Variants in GNAO1 observed in about 807,000 individuals in gnomAD.
GNAO1 encodes the protein guanine nucleotide-binding protein G(o) subunit alpha.
For missense variants in GNAO1, 166 were observed against 478.7 expected (o/e 0.35, Z 6.10); for synonymous variants, 164 against 180.7 (o/e 0.91, Z 0.74).
intron 6 of GNAO1, chr16:56,344,031 G>A: frequency 1.3e-6 from 2 of 1,571,896 alleles, no homozygotes; most frequent in African/African-American, 1.3e-5. Flanking sequence ...ACCACTCTCA[G>A]ACCACTCTTT....
chr16:56,229,940 A>G (rs2036572560), intron 2 of GNAO1, among the ~76,000 whole-genome samples: 1 of 152,136 alleles, frequency 6.6e-6, no homozygotes, highest in African/African-American at 2.4e-5. Context: ...AGGAGAGTCG[A>G]AGGGCATCGC....
At chr16:56,255,956 T>A (rs1262607602) in intron 2 of GNAO1, among the ~76,000 whole-genome samples, 2 of 152,232 alleles carry the variant, frequency 1.3e-5, no homozygotes, top group Non-Finnish European at 2.9e-5. Context: ...ATCTTTTAAG[T>A]CTGCCCTGAG....
At chr16:56,227,803 G>A (rs2036546403) in intron 2 of GNAO1, among the ~76,000 whole-genome samples, 1 of 148,214 alleles carries the variant, frequency 6.7e-6, no homozygotes, top group Non-Finnish European at 1.5e-5. Flanking sequence ...TATTATTGTT[G>A]TTATTTTGCT....
At chr16:56,235,206 T>C (rs1267733827) in intron 2 of GNAO1, 4 of 409,644 alleles carry the variant, frequency 9.8e-6, no homozygotes, top group African/African-American at 8.3e-5. Context: ...TCTTCTAGCA[T>C]TTGACTCCCT....
rs1383733336 is a variant in GNAO1, at chr16:56,272,876, T to G, written c.162-3055T>G. Among the ~76,000 whole-genome samples the G allele has an allele frequency of 3.9e-5, 6 of 152,222 alleles. No individual in the cohort carries two copies. In the South Asian group the frequency reaches 8.3e-4, roughly 21 times the overall value. ...AGTGGTAGGGTCTGCTGGTCCCAAA[T>G]GAAGCATGAGAAACTCAATGCACTG... On this transcript the variant is annotated intron_variant, in intron 2 of 8. Coordinates refer to ENST00000262493, the MANE Select transcript of GNAO1 (RefSeq NM_020988.3).
chr16:56,314,673 G>A (rs2037491131), intron 3 of GNAO1, among the ~76,000 whole-genome samples: 1 of 152,204 alleles, frequency 6.6e-6, no homozygotes, highest in Non-Finnish European at 1.5e-5. Context: ...CCTGGCTTCT[G>A]GCTAAGGAGA....
chr16:56,355,065 G>C lies in GNAO1; in HGVS notation c.*12G>C, dbSNP rs754743560. ...GCGGCTTGTACTGACCTCTTGTCCT[G>C]TATAGCAACCTATTTGGTAATGATT... On this transcript the variant is annotated 3_prime_UTR_variant, in exon 8 of 9. Coordinates refer to ENST00000262493, the MANE Select transcript of GNAO1 (RefSeq NM_020988.3). 6.3e-7 allele frequency: 1 copy of C among 1,584,910 alleles called. No homozygotes were observed.
chr16:56,229,613 A>G (rs202020070), intron 2 of GNAO1, among the ~76,000 whole-genome samples: 12 of 108,172 alleles, frequency 1.1e-4, no homozygotes, highest in African/African-American at 2.2e-4. Flanking sequence ...GGGTGGGTGG[A>G]TGGATGGATG....
rs764392674 is a variant in GNAO1, at chr16:56,271,655, A to G, written c.162-4276A>G. 3.9e-5 allele frequency among the ~76,000 whole-genome samples: 6 copies of G among 152,016 alleles called. No homozygotes were observed. The East Asian group carries it at 9.7e-4, about 24-fold the overall frequency. On this transcript the variant is annotated intron_variant, in intron 2 of 8. Coordinates refer to ENST00000262493, the MANE Select transcript of GNAO1 (RefSeq NM_020988.3). ...TTTTCAGTAGAGACGGGGTTTCACC[A>G]TGTTAGCCAGGCTGGTCTCAAACTC...
In GNAO1 at chr16:56,351,824, C is replaced by G; in HGVS notation, c.877+287C>G. ...GGGCAGGACAGGATCACAGGCTTCC[C>G]CCTTCCTCCTGGTCACCCTCTAGAA... On this transcript the variant is annotated intron_variant, in intron 7 of 8. Transcript: ENST00000262493. This position sits in a 1 kb window ranked among gnomAD's most constrained non-coding sequence, Gnocchi z 6.1. 2.7e-6 allele frequency: 1 copy of G among 373,824 alleles called. No individual in the cohort carries two copies. The highest frequency in any genetic ancestry group is 4.9e-6 in the Non-Finnish European group (1 of 203,264). The allele number at this position is 373,824 out of a possible 1,614,324, so 23.2% of individuals were successfully genotyped here.
At chr16:56,225,428 T>G (rs2036525316) in intron 2 of GNAO1, among the ~76,000 whole-genome samples, 1 of 152,208 alleles carries the variant, frequency 6.6e-6, no homozygotes. Flanking sequence ...TGCCCAGTTT[T>G]ACAGAAGAGA....
intron 6 of GNAO1, chr16:56,345,846 G>A: frequency 2.0e-6 from 2 of 985,550 alleles, no homozygotes; most frequent in Non-Finnish European, 2.4e-6. Context: ...CCCAGGCTCA[G>A]AAGCAGCCGG....
rs145872570 is a variant in GNAO1 at position 56,192,624 on chromosome 16, C to T, written c.161+8C>T. The T allele has an allele frequency of 1.2e-3, 1,882 of 1,550,386 alleles. 25 individuals carry two copies. In the African/African-American group the frequency reaches 0.023, roughly 19 times the overall value. ...CATTGTGAAGCAGATGAAGTAAGTC[C>T]CTGTGGCATTGGGATTCGTACTTTT... On this transcript the variant is annotated splice_region_variant and intron_variant, in intron 2 of 8. Transcript: ENST00000262493.
chr16:56,234,503 C>T (rs1030852291), intron 2 of GNAO1, among the ~76,000 whole-genome samples: 5 of 152,262 alleles, frequency 3.3e-5, no homozygotes, highest in Non-Finnish European at 7.3e-5. Context: ...CCTGCAGTTC[C>T]TCAGCCTTGC....
intron 3 of GNAO1, chr16:56,307,304 G>A (rs1424905472): frequency 1.3e-5 from 2 of 152,210 alleles, no homozygotes; most frequent in African/African-American, 2.4e-5. Context: ...GGAGGGCAGC[G>A]GCTGGGCCTC....
chr16:56,233,163 T>C (rs973045732), intron 2 of GNAO1, among the ~76,000 whole-genome samples: 33 of 152,184 alleles, frequency 2.2e-4, no homozygotes, highest in African/African-American at 7.7e-4. Flanking sequence ...GTTTTGAGGA[T>C]TATATGAGAT....
At chr16:56,347,464 T>C in intron 6 of GNAO1, 8 of 984,046 alleles carry the variant, frequency 8.1e-6, no homozygotes, top group Non-Finnish European at 9.6e-6. Flanking sequence ...GCAAGAAGAG[T>C]CCTGACCCCT....
intron 2 of GNAO1, among the ~76,000 whole-genome samples, chr16:56,232,804 C>G (rs1178300504): frequency 6.6e-6 from 1 of 152,168 alleles, no homozygotes; most frequent in Non-Finnish European, 1.5e-5. Flanking sequence ...AAGCGCCCTC[C>G]AACTAACTTT....
chr16:56,292,347 A>G (rs2037240847), intron 3 of GNAO1, among the ~76,000 whole-genome samples: 1 of 152,198 alleles, frequency 6.6e-6, no homozygotes, highest in Admixed American at 6.5e-5. Flanking sequence ...TGTGGATAAA[A>G]TGGAGTCAGA....
Sources: allele counts gnomAD v4.1 joint callset (sites outside exome capture counted in the v4.1 genomes callset), GRCh38; gene constraint gnomAD v4.1.1; non-coding constraint Gnocchi (gnomAD v3.1); transcripts MANE v1.5; gene names NCBI Gene and HGNC (gene_info 2026-07-23, HGNC 2026-07-21).